The following PON2 variants were observed in gnomAD, a reference collection of about 807,000 sequenced individuals.
The protein encoded by PON2 is paraoxonase 2.
A neutral mutation model predicts 36.6 loss-of-function variants in PON2; 27 were observed. The observed-to-expected ratio is 0.74, with a 90% confidence interval of 0.54 to 1.02. The LOEUF (loss-of-function observed/expected upper bound fraction) is 1.02, where lower values mean the gene tolerates loss of function less well. Among genes scored for constraint, PON2 ranks in the 50% least tolerant of loss-of-function variants. The probability of loss-of-function intolerance (pLI) is 0.00; values close to 1 mark genes in which losing one functional copy is unlikely to be tolerated. For synonymous variants in PON2, 149 were observed against 156.3 expected, an observed-to-expected ratio of 0.95 and a Z score of 0.35; for missense variants, 363 against 421.1, an observed-to-expected ratio of 0.86 and a Z score of 1.21.
intron 1 of PON2, among the ~76,000 whole-genome samples, chr7:95,425,526 C>T (rs1789295867): frequency 6.6e-6 from 1 of 152,174 alleles, no homozygotes; most frequent in South Asian, 2.1e-4. Flanking sequence ...ATAAAAATAG[C>T]ACCTTGTAGA....
intron 2 of PON2, among the ~76,000 whole-genome samples, chr7:95,421,792 T>C (rs946247284): frequency 6.6e-6 from 1 of 151,930 alleles, no homozygotes; most frequent in Non-Finnish European, 1.5e-5. Context: ...CAGATCAACC[T>C]GAGGAAGCTG....
rs186695410 is a variant in PON2 at position 95,420,477 on chromosome 7, T to A, written c.145+4038A>T. Among the ~76,000 whole-genome samples the A allele has an allele frequency of 1.9e-4, 29 of 152,348 alleles. No individual in the cohort carries two copies. The East Asian group carries it at 4.6e-3, about 24-fold the overall frequency. On this transcript the variant is annotated intron_variant, in intron 2 of 8. Transcript: ENST00000222572. ...GTCTATAAGATAGATCGGGAAGGAA[T>A]TTTTGAAAAGGACTAAATAGTGAAC...
intron 2 of PON2, among the ~76,000 whole-genome samples, chr7:95,420,413 T>G (rs1289971218): frequency 6.6e-6 from 1 of 152,240 alleles, no homozygotes; most frequent in Non-Finnish European, 1.5e-5. Context: ...ATGCAGATGT[T>G]AATCTGCCAA....
At chr7:95,427,418 G>A (rs767410529) in intron 1 of PON2, among the ~76,000 whole-genome samples, 15 of 152,104 alleles carry the variant, frequency 9.9e-5, no homozygotes, top group Non-Finnish European at 1.6e-4. Flanking sequence ...GCTGTATTGA[G>A]GTGTAGTCAT....
At chr7:95,425,098 AGCATCCC>A (rs1789285874) in intron 1 of PON2, among the ~76,000 whole-genome samples, 1 of 152,242 alleles carries the variant, frequency 6.6e-6, no homozygotes, top group Non-Finnish European at 1.5e-5. Flanking sequence ...AAAAGAAGGT[AGCATCCC>A]TATGACAGTA....
rs1237899179 is a variant in PON2, at chr7:95,412,374, A to AT, written c.304dup (p.Ile102AsnfsTer6). 1.9e-6 allele frequency: 3 copies of AT among 1,614,178 alleles called. No individual in the cohort carries two copies. The highest frequency in any genetic ancestry group is 2.5e-6 in the Non-Finnish European group (3 of 1,180,026). On this transcript the variant is annotated frameshift_variant, in exon 4 of 9. Transcript: ENST00000222572. LOFTEE classifies it high-confidence loss of function. The stretch of plus-strand genomic sequence containing the variant: ...TGAGGCCAAATCAAACCCACGACTG[A>AT]TTCTTAATTCCCGTGCCCTTGGTTT...
chr7:95,432,740 A>G (rs1262314686), intron 1 of PON2, among the ~76,000 whole-genome samples: 1 of 152,226 alleles, frequency 6.6e-6, no homozygotes, highest in Non-Finnish European at 1.5e-5. Flanking sequence ...ATTACCTAAC[A>G]TGAAAATTAA....
intron 2 of PON2, 59 bp from the exon 3 acceptor site, chr7:95,416,356 G>A: frequency 1.3e-6 from 2 of 1,555,832 alleles, no homozygotes; most frequent in Non-Finnish European, 1.8e-6. Flanking sequence ...GTTACACAGA[G>A]CATAACTGGG....
intron 5 of PON2, among the ~76,000 whole-genome samples, chr7:95,411,319 G>A (rs1358814551): frequency 6.6e-6 from 1 of 152,140 alleles, no homozygotes; most frequent in East Asian, 1.9e-4. Flanking sequence ...AAGATGGAGG[G>A]TGACAGCAGG....
chr7:95,430,646 A>C (rs1294411701), intron 1 of PON2, among the ~76,000 whole-genome samples: 2 of 151,648 alleles, frequency 1.3e-5, no homozygotes, highest in African/African-American at 4.8e-5. Context: ...TATAGTCCTC[A>C]CTGCTTAGGA....
chr7:95,412,885 A>G, intron 3 of PON2: 2 of 274,488 alleles, frequency 7.3e-6, no homozygotes, highest in Non-Finnish European at 1.4e-5. Flanking sequence ...ATCATGTGCT[A>G]GATCTCTGAC....
Position 95,417,716 on chromosome 7 carries a change from C to CACACACAG in PON2, c.146-1420_146-1419insCTGTGTGT, listed in dbSNP as rs1554339544. Reference sequence around the variant, plus strand: ...ACACACACACACACACACACACACACACACACACACCGAGAGAGAATTCTA... The same window carrying CACACACAG: ...ACACACACACACACACACACACACACACACACAGACACACACACCGAGAGAGAATTCTA... On this transcript the variant is annotated intron_variant, in intron 2 of 8. Transcript: ENST00000222572. Among the ~76,000 whole-genome samples, 966 of 148,822 alleles carry CACACACAG rather than the reference C, an allele frequency of 6.5e-3. 14 individuals are homozygous for CACACACAG. The highest frequency in any genetic ancestry group is 0.022 in the African/African-American group (897 of 40,508).
intron 1 of PON2, among the ~76,000 whole-genome samples, chr7:95,430,682 C>T (rs1229145745): frequency 1.3e-5 from 2 of 151,668 alleles, no homozygotes; most frequent in African/African-American, 4.8e-5. Context: ...ATTGCTTGAG[C>T]CCAGGTGTTC....
intron 3 of PON2, among the ~76,000 whole-genome samples, chr7:95,414,358 C>A (rs1426027177): frequency 6.6e-6 from 1 of 152,110 alleles, no homozygotes; most frequent in Non-Finnish European, 1.5e-5. Flanking sequence ...TGAAAAACAG[C>A]AGCAAACTGG....
chr7:95,434,798 C>G lies in PON2; in HGVS notation c.74+80G>C. ...CCAGGTCCCGCAGGAATCCCTCCCC[C>G]AGCCTGCGCCCTCCCCGCACCACGC... On this transcript the variant is annotated intron_variant, in intron 1 of 8. Transcript: ENST00000222572. 3 of 1,470,134 alleles carry G rather than the reference C, an allele frequency of 2.0e-6. No individual in the cohort carries two copies. The South Asian group carries it at 3.7e-5, about 18-fold the overall frequency. The allele number at this position is 1,470,134 out of a possible 1,614,324, so 91.1% of individuals were successfully genotyped here.
rs771860411 is a variant in PON2, at chr7:95,406,141, G to A, written c.884C>T (p.Pro295Leu). Residue 295 changes from proline (P) to leucine (L), a missense_variant, in exon 8 of 9, where the codon CCG becomes CTG. Coordinates refer to ENST00000222572, the MANE Select transcript of PON2 (RefSeq NM_000305.3). ...AACCTCTGACGAGGGAGGATTGTTC[G>A]GGTCATACACGAAGAGCTTCTGGCC... ...PNGQKLFVYD[P>L]NNPPSSEVLR... The A allele has an allele frequency of 1.5e-5, 24 of 1,613,584 alleles. No homozygotes were observed. Among genetic ancestry groups the A allele is most frequent in the Admixed American group, 5.0e-5 (3 of 59,986 alleles).
At chr7:95,422,319 T>G (rs1301224835) in intron 2 of PON2, among the ~76,000 whole-genome samples, 1 of 152,208 alleles carries the variant, frequency 6.6e-6, no homozygotes, top group Non-Finnish European at 1.5e-5. Flanking sequence ...GCACTGAAAC[T>G]ATCAGGAAAG....
intron 1 of PON2, among the ~76,000 whole-genome samples, chr7:95,429,885 G>C (rs1454314684): frequency 1.3e-5 from 2 of 152,166 alleles, no homozygotes; most frequent in African/African-American, 4.8e-5. Flanking sequence ...TGTAAACCTA[G>C]GGAAAATTTG....
chr7:95,415,663 A>G (rs1789044276), intron 3 of PON2, among the ~76,000 whole-genome samples: 1 of 152,302 alleles, frequency 6.6e-6, no homozygotes, highest in East Asian at 1.9e-4. Flanking sequence ...CATTTAAAAC[A>G]CAGATTGCGC....
Sources: allele counts gnomAD v4.1 joint callset (sites outside exome capture counted in the v4.1 genomes callset), GRCh38; gene constraint gnomAD v4.1.1; transcripts MANE v1.5; gene names NCBI Gene and HGNC (gene_info 2026-07-23, HGNC 2026-07-21).